Variants in EYS observed in about 807,000 individuals in gnomAD.
The protein encoded by EYS is EGF-like photoreceptor maintenance factor, also known as protein eyes shut homolog.
A neutral mutation model predicts 282.1 loss-of-function variants in EYS; 250 were observed. The ratio of observed to expected loss-of-function variants is 0.89; its 90% confidence interval spans 0.80 to 0.98. EYS has a LOEUF of 0.98. EYS is among the 50% of genes least tolerant of loss of function. The pLI, the probability that EYS is intolerant of heterozygous loss-of-function variation, is 0.00. For synonymous variants in EYS, 1,355 were observed against 1,282.9 expected (o/e 1.06, Z -1.20); for missense variants, 4,016 against 3,709.0 (o/e 1.08, Z -2.15).
chr6:63,927,213 G>A (rs1764741504), intron 35 of EYS, among the ~76,000 whole-genome samples: 1 of 152,130 alleles, frequency 6.6e-6, no homozygotes, highest in African/African-American at 2.4e-5. Flanking sequence ...GTTATTTTTA[G>A]GAATAAACGA....
At chr6:64,496,492 CAA>C (rs1182995619) in intron 26 of EYS, among the ~76,000 whole-genome samples, 1 of 151,886 alleles carries the variant, frequency 6.6e-6, no homozygotes, top group Non-Finnish European at 1.5e-5. Context: ...GTCTCTGTGT[CAA>C]AGTCATTTTA....
At chr6:65,271,667 A>G (rs987644111) in intron 12 of EYS, among the ~76,000 whole-genome samples, 17 of 151,394 alleles carry the variant, frequency 1.1e-4, no homozygotes, top group African/African-American at 3.6e-4. Flanking sequence ...ACTACATCCT[A>G]TGCCCCCTGG....
At chr6:65,140,602 G>A (rs548279678) in intron 12 of EYS, among the ~76,000 whole-genome samples, 1 of 150,470 alleles carries the variant, frequency 6.6e-6, no homozygotes, top group South Asian at 2.1e-4. Flanking sequence ...TCTGACAAAG[G>A]GCTAATATCC....
chr6:64,239,644 C>G (rs1766730353), intron 30 of EYS, among the ~76,000 whole-genome samples: 1 of 148,428 alleles, frequency 6.7e-6, no homozygotes, highest in African/African-American at 2.5e-5. Flanking sequence ...TTTGTAGATT[C>G]TGGATATTAG....
intron 31 of EYS, among the ~76,000 whole-genome samples, chr6:64,220,956 A>G (rs1766082543): frequency 6.6e-6 from 1 of 152,142 alleles, no homozygotes; most frequent in South Asian, 2.1e-4. Flanking sequence ...TCACACTATC[A>G]CACTGATTCA....
At chr6:64,569,814 G>A (rs56076773) in intron 26 of EYS, among the ~76,000 whole-genome samples, 4,607 of 152,134 alleles carry the variant, frequency 0.03, 153 homozygotes, top group East Asian at 0.11. Flanking sequence ...CCAAAACTTC[G>A]TTTAACTGGT....
intron 30 of EYS, among the ~76,000 whole-genome samples, chr6:64,301,516 G>A (rs564991857): frequency 3.0e-4 from 45 of 152,178 alleles, no homozygotes; most frequent in East Asian, 1.7e-3. Context: ...CTCACATACC[G>A]GAACTAAAAC....
At chr6:64,325,723 C>G (rs939433941) in intron 29 of EYS, among the ~76,000 whole-genome samples, 3 of 152,032 alleles carry the variant, frequency 2.0e-5, no homozygotes, top group African/African-American at 7.2e-5. Context: ...AAAGGAAAAA[C>G]AAACCTTCAG....
intron 18 of EYS, among the ~76,000 whole-genome samples, chr6:64,890,585 T>C (rs1394076088): frequency 6.6e-6 from 1 of 152,156 alleles, no homozygotes; most frequent in Non-Finnish European, 1.5e-5. Context: ...TTTTTTTGCT[T>C]CCATGCCCAT....
intron 13 of EYS, among the ~76,000 whole-genome samples, chr6:65,040,576 A>G (rs1215019405): frequency 1.3e-5 from 2 of 151,652 alleles, no homozygotes; most frequent in Admixed American, 1.3e-4. Context: ...TTAGAACTTT[A>G]AAATGTGAAT....
intron 28 of EYS, among the ~76,000 whole-genome samples, chr6:64,423,235 G>A (rs1774293339): frequency 6.6e-6 from 1 of 152,218 alleles, no homozygotes; most frequent in Non-Finnish European, 1.5e-5. Flanking sequence ...TATTGGAAAG[G>A]AAGTCAATTC....
At chr6:64,372,881 T>C (rs1426223909) in intron 29 of EYS, among the ~76,000 whole-genome samples, 1 of 152,224 alleles carries the variant, frequency 6.6e-6, no homozygotes, top group Admixed American at 6.5e-5. Flanking sequence ...GATTGCATTA[T>C]GAAATTTTTC....
At chr6:64,947,577 C>A (rs74481898) in intron 14 of EYS, among the ~76,000 whole-genome samples, 1 of 151,284 alleles carries the variant, frequency 6.6e-6, no homozygotes, top group East Asian at 1.9e-4. Flanking sequence ...ACATACCATG[C>A]TCCCTACATT....
At position 64,436,363 on chromosome 6, in the gene EYS, A is replaced by C. The variant is rs534694812; in HGVS notation, c.5836-98T>G. The C allele has an allele frequency of 4.7e-5, 31 of 660,042 alleles. No homozygotes were observed. In the African/African-American group the frequency reaches 5.6e-4, roughly 12 times the overall value. The allele number at this position is 660,042 out of a possible 1,614,324, so 40.9% of individuals were successfully genotyped here. A position where few individuals can be genotyped will look rare whatever the true frequency, so the allele number is the denominator to read the frequency against. ...TTTATTATTTATCAATATATTTTAC[A>C]TCACTTTGGAGAGACATGAAGTTTG... On this transcript the variant is annotated intron_variant, in intron 27 of 42. Transcript: ENST00000503581.
At chr6:63,874,176 G>A (rs557546807) in intron 35 of EYS, among the ~76,000 whole-genome samples, 2 of 152,258 alleles carry the variant, frequency 1.3e-5, no homozygotes, top group African/African-American at 4.8e-5. Context: ...TTTGTATAAG[G>A]TGTAAGGAAG....
At chr6:65,518,643 T>G (rs1767230787) in intron 2 of EYS, among the ~76,000 whole-genome samples, 1 of 152,190 alleles carries the variant, frequency 6.6e-6, no homozygotes, top group Admixed American at 6.5e-5. Flanking sequence ...CTTTTCTTGT[T>G]CATTGCTATA....
At chr6:64,622,145 T>C (rs1220933953) in intron 23 of EYS, among the ~76,000 whole-genome samples, 1 of 152,160 alleles carries the variant, frequency 6.6e-6, no homozygotes, top group African/African-American at 2.4e-5. Flanking sequence ...AAAGAATTCA[T>C]GCAAAGAGGA....
intron 29 of EYS, among the ~76,000 whole-genome samples, chr6:64,321,991 T>C (rs1274196901): frequency 6.6e-6 from 1 of 151,978 alleles, no homozygotes; most frequent in Non-Finnish European, 1.5e-5. Flanking sequence ...GTGGTTCAAG[T>C]GGACATAGTC....
intron 30 of EYS, among the ~76,000 whole-genome samples, chr6:64,231,258 C>G (rs1355775213): frequency 6.6e-6 from 1 of 152,030 alleles, no homozygotes; most frequent in African/African-American, 2.4e-5. Context: ...TGGGAGCTAT[C>G]CAAGAGGTAC....
Sources: gnomAD v4.1 joint callset for allele counts (sites outside exome capture counted in the v4.1 genomes callset) on GRCh38, gnomAD v4.1.1 for gene constraint, MANE v1.5 for transcripts, NCBI Gene and HGNC (gene_info 2026-07-23, HGNC 2026-07-21) for gene names.